HS3ST4: variants seen among roughly 807,000 people sequenced by gnomAD.
The protein encoded by HS3ST4 is heparan sulfate glucosamine 3-O-sulfotransferase 4.
A neutral mutation model predicts 29.2 loss-of-function variants in HS3ST4; 17 were observed. That is an observed-to-expected ratio of 0.58 (90% CI 0.40 to 0.87). The LOEUF (loss-of-function observed/expected upper bound fraction) is 0.87, where lower values mean the gene tolerates loss of function less well. Among genes scored for constraint, HS3ST4 ranks in the 40% least tolerant of loss-of-function variants. The pLI, the probability that HS3ST4 is intolerant of heterozygous loss-of-function variation, is 0.00. For missense variants in HS3ST4, 627 were observed against 634.5 expected, an observed-to-expected ratio of 0.99 and a Z score of 0.13; for synonymous variants, 314 against 285.7, an observed-to-expected ratio of 1.10 and a Z score of -1.00.
intron 1 of HS3ST4, among the ~76,000 whole-genome samples, chr16:25,877,574 C>G (rs1333610776): frequency 6.6e-6 from 1 of 152,116 alleles, no homozygotes; most frequent in Non-Finnish European, 1.5e-5. Flanking sequence ...ACCTGCAAAC[C>G]AAGGAATGCT....
chr16:25,970,355 T>G (rs1471360828), intron 1 of HS3ST4, among the ~76,000 whole-genome samples: 1 of 152,254 alleles, frequency 6.6e-6, no homozygotes. Context: ...ATTGGTTTCC[T>G]TTGCCCCTCC....
At chr16:25,894,229 A>T (rs1240545032) in intron 1 of HS3ST4, among the ~76,000 whole-genome samples, 1 of 152,128 alleles carries the variant, frequency 6.6e-6, no homozygotes, top group African/African-American at 2.4e-5. Context: ...TGAAGGGGGC[A>T]GGGAGGGTGT....
At chr16:26,036,473 T>C (rs1969584486) in intron 1 of HS3ST4, among the ~76,000 whole-genome samples, 1 of 152,216 alleles carries the variant, frequency 6.6e-6, no homozygotes, top group Admixed American at 6.5e-5. Flanking sequence ...AGCTCATTTG[T>C]CTGTATCAGA....
intron 1 of HS3ST4, among the ~76,000 whole-genome samples, chr16:25,995,979 C>T (rs1969155345): frequency 1.4e-5 from 2 of 146,312 alleles, no homozygotes; most frequent in African/African-American, 5.1e-5. Context: ...ACATTTGCTT[C>T]AGTTATTTTG....
chr16:26,113,371 G>C lies in HS3ST4; in HGVS notation c.735-22241G>C, dbSNP rs183646622. On this transcript the variant is annotated intron_variant, in intron 1 of 1. Transcript: ENST00000331351. ...TGAGGCAAGAGAATCGCTTGAAACC[G>C]GGGGGTAGAGGTTGCAGTGAGCCGA... 9.8e-4 allele frequency among the ~76,000 whole-genome samples: 148 copies of C among 151,488 alleles called. No homozygotes were observed. In the East Asian group the frequency reaches 0.022, roughly 22 times the overall value.
chr16:26,061,974 T>A (rs2141771435), intron 1 of HS3ST4, among the ~76,000 whole-genome samples: 1 of 152,352 alleles, frequency 6.6e-6, no homozygotes, highest in South Asian at 2.1e-4. Flanking sequence ...TTAGGTCACA[T>A]GCTCATCCTG....
chr16:25,738,061 C>T (rs1159893232), intron 1 of HS3ST4, among the ~76,000 whole-genome samples: 3 of 152,092 alleles, frequency 2.0e-5, no homozygotes, highest in Admixed American at 6.6e-5. Flanking sequence ...CGTGCCACCA[C>T]GCCCAGCTAG....
intron 1 of HS3ST4, among the ~76,000 whole-genome samples, chr16:25,947,609 A>G (rs2141695330): frequency 6.6e-6 from 1 of 152,204 alleles, no homozygotes; most frequent in South Asian, 2.1e-4. Context: ...ACGCCCATTT[A>G]TAGTCTCTGC....
At chr16:25,833,951 T>C (rs1302496045) in intron 1 of HS3ST4, among the ~76,000 whole-genome samples, 2 of 152,126 alleles carry the variant, frequency 1.3e-5, no homozygotes, top group Admixed American at 6.5e-5. Context: ...AACTTGGCAA[T>C]GTGTGCTGTG....
At chr16:25,834,413 A>G (rs1967336640) in intron 1 of HS3ST4, among the ~76,000 whole-genome samples, 3 of 152,308 alleles carry the variant, frequency 2.0e-5, no homozygotes, top group South Asian at 4.1e-4. Flanking sequence ...ATGATGAAAG[A>G]ATGTTGGATG....
intron 1 of HS3ST4, among the ~76,000 whole-genome samples, chr16:25,973,881 G>A (rs924995188): frequency 6.6e-6 from 1 of 152,142 alleles, no homozygotes; most frequent in Admixed American, 6.6e-5. Flanking sequence ...TATAGTCCGT[G>A]TGCCTAAACA....
intron 1 of HS3ST4, among the ~76,000 whole-genome samples, chr16:26,119,096 G>A (rs988340423): frequency 2.0e-5 from 3 of 152,176 alleles, no homozygotes; most frequent in Non-Finnish European, 4.4e-5. Context: ...AGCACAGGGA[G>A]GTTAAGTAAT....
intron 1 of HS3ST4, among the ~76,000 whole-genome samples, chr16:25,772,632 T>G (rs913393275): frequency 3.3e-5 from 5 of 152,206 alleles, no homozygotes; most frequent in African/African-American, 9.6e-5. Flanking sequence ...AACTGAAACA[T>G]GGAAATACAC....
At chr16:25,736,546 A>G (rs1966611511) in intron 1 of HS3ST4, among the ~76,000 whole-genome samples, 1 of 152,262 alleles carries the variant, frequency 6.6e-6, no homozygotes, top group African/African-American at 2.4e-5. Context: ...TAATTAAAGC[A>G]TGACAATACA....
chr16:25,782,236 A>T (rs144869753), intron 1 of HS3ST4, among the ~76,000 whole-genome samples: 17 of 152,326 alleles, frequency 1.1e-4, no homozygotes, highest in African/African-American at 4.1e-4. Context: ...ACTTCCCACC[A>T]GGTTCCTCCC....
intron 1 of HS3ST4, among the ~76,000 whole-genome samples, chr16:26,132,952 T>A (rs997898984): frequency 2.0e-5 from 3 of 152,114 alleles, no homozygotes; most frequent in Non-Finnish European, 4.4e-5. Context: ...GAAATAAAAA[T>A]AAGATGGTCA....
chr16:26,028,426 A>G (rs1458630345), intron 1 of HS3ST4, among the ~76,000 whole-genome samples: 1 of 152,210 alleles, frequency 6.6e-6, no homozygotes, highest in Non-Finnish European at 1.5e-5. Context: ...GTTATCAAGA[A>G]GAGAGACTTT....
chr16:26,052,599 G>T (rs1328461566), intron 1 of HS3ST4, among the ~76,000 whole-genome samples: 1 of 152,182 alleles, frequency 6.6e-6, no homozygotes, highest in Non-Finnish European at 1.5e-5. Flanking sequence ...TTGAACTCTT[G>T]ACCTCTAGTG....
rs140596443 is a variant in HS3ST4, at chr16:26,115,266, T to TAC, written c.735-20326_735-20325dup. Among the ~76,000 whole-genome samples, 499 of 148,568 alleles carry TAC rather than the reference T, an allele frequency of 3.4e-3. 4 individuals carry two copies. The highest frequency in any genetic ancestry group is 0.012 in the East Asian group (59 of 5,054). On this transcript the variant is annotated intron_variant, in intron 1 of 1. Transcript: ENST00000331351. ...GTGTGTATATATATATACATATATATACACACACACACACACACACAAGTA... is the reference window on the plus strand; with the variant it reads ...GTGTGTATATATATATACATATATATACACACACACACACACACACACAAGTA...
Sources: gnomAD v4.1 joint callset for allele counts (sites outside exome capture counted in the v4.1 genomes callset) on GRCh38, gnomAD v4.1.1 for gene constraint, MANE v1.5 for transcripts, NCBI Gene and HGNC (gene_info 2026-07-23, HGNC 2026-07-21) for gene names.